MIGA2: variants seen among roughly 807,000 people sequenced by gnomAD.
MIGA2 encodes the protein family with sequence similarity 73, member B.
In MIGA2, 36 loss-of-function variants were observed where a neutral mutation model predicts 69.9. The ratio of observed to expected loss-of-function variants is 0.52; its 90% CI spans 0.39 to 0.68. The LOEUF (loss-of-function observed/expected upper bound fraction) is 0.68. Ranked by LOEUF, MIGA2 falls within the 30% of genes least tolerant of loss-of-function variation. MIGA2 has a pLI of 0.00. For missense variants in MIGA2, 660 were observed against 787.7 expected (o/e 0.84, Z 1.94); for synonymous variants, 333 against 349.2 (o/e 0.95, Z 0.52).
chr9:129,067,374 G>A (rs1216936384), intron 11 of MIGA2: 3 of 195,096 alleles, frequency 1.5e-5, no homozygotes, highest in East Asian at 2.8e-4. Context: ...CGTCACACAC[G>A]AGCTCGGCAA....
At chr9:129,067,711 A>C (rs1314372907) in intron 11 of MIGA2, 62 bp from the exon 12 acceptor site, 2 of 1,498,374 alleles carry the variant, frequency 1.3e-6, no homozygotes, top group Non-Finnish European at 1.8e-6. Context: ...CCCCATCCAC[A>C]GGCCAGCCTG....
At chr9:129,043,781 A>G (rs1452298866) in intron 3 of MIGA2, among the ~76,000 whole-genome samples, 2 of 149,190 alleles carry the variant, frequency 1.3e-5, no homozygotes, top group East Asian at 3.9e-4. Context: ...GCTCACTGCA[A>G]CCTCTGCATC....
At chr9:129,053,960 C>T (rs1414715645) in intron 6 of MIGA2, among the ~76,000 whole-genome samples, 1 of 151,932 alleles carries the variant, frequency 6.6e-6, no homozygotes, top group Non-Finnish European at 1.5e-5. Flanking sequence ...GGAGGATCAC[C>T]TGAGCCCAGG....
At chr9:129,043,799 C>G (rs971123308) in intron 3 of MIGA2, among the ~76,000 whole-genome samples, 3 of 151,932 alleles carry the variant, frequency 2.0e-5, no homozygotes, top group Middle Eastern at 3.2e-3. Context: ...ATCCCGGGTT[C>G]AAGCGATTCT....
intron 6 of MIGA2, among the ~76,000 whole-genome samples, chr9:129,056,908 C>A (rs2131372282): frequency 6.6e-6 from 1 of 152,058 alleles, no homozygotes; most frequent in East Asian, 2.0e-4. Flanking sequence ...GCGGTACGTG[C>A]CTATGGTCCC....
rs1191820734 is a variant in MIGA2, at chr9:129,060,410, G to C, written c.794-140G>C. ...TCACACAGAAGCGCTTGGCACGTCA[G>C]AGCTTTGCCATTGAGTGTGGGAATC... is the stretch of plus-strand genomic sequence containing the variant. On this transcript the variant is annotated intron_variant, in intron 7 of 15. Coordinates refer to ENST00000684074, the MANE Select transcript of MIGA2 (RefSeq NM_001329990.2). The surrounding 1 kb of genome is among the most constrained non-coding windows in gnomAD (Gnocchi z 4.8). 2.5e-5 allele frequency: 17 copies of C among 686,384 alleles called. No homozygotes were observed. Among genetic ancestry groups the C allele is most frequent in the Non-Finnish European group, 3.9e-5 (16 of 407,544 alleles). 42.5% of individuals were successfully genotyped at this position (686,384 alleles called of 1,614,324 possible).
In MIGA2 at chr9:129,069,657, C is replaced by T. The variant is rs757120993; in HGVS notation, c.1459-192C>T. ...GCCCCACCTCTTGCAGTACTCACAG[C>T]GGCCCATGGTTACCCTGTCTGCAGA... On this transcript the variant is annotated intron_variant, in intron 14 of 15. Coordinates refer to ENST00000684074, the MANE Select transcript of MIGA2 (RefSeq NM_001329990.2). The surrounding 1 kb of genome is among the most constrained non-coding windows in gnomAD (Gnocchi z 4.9). 7 of 613,178 alleles carry T rather than the reference C, an allele frequency of 1.1e-5. No homozygotes were observed. The highest frequency in any genetic ancestry group is 5.5e-5 in the African/African-American group (3 of 54,618). The allele number at this position is 613,178 out of a possible 1,614,324, so 38.0% of individuals were successfully genotyped here. A position where few individuals can be genotyped will look rare whatever the true frequency, so the allele number is the denominator to read the frequency against.
chr9:129,048,669 C>A (rs140153356), intron 4 of MIGA2, 130 bp downstream of exon 4: 65 of 710,168 alleles, frequency 9.2e-5, no homozygotes, highest in African/African-American at 8.3e-4. Flanking sequence ...TCCACCCACG[C>A]GGGCTTTCAG....
In MIGA2 at chr9:129,063,267, G is replaced by A. The variant is rs774201953; in HGVS notation, c.1034G>A (p.Ser345Asn). ...TLRTELLGCY[S>N]DQDFLAKLHC... ...AGGACGGAGCTGCTGGGCTGCTACA[G>A]TGACCAGGACTTTCTGGCCAAGCTG... is the stretch of plus-strand genomic sequence containing the variant. The change falls in exon 10 of 16, where the codon AGT (serine) becomes AAT (asparagine). Residue 345 changes from serine (S) to asparagine (N), a missense_variant. Ser to Asn is a conservative substitution (Grantham distance 46, BLOSUM62 1). Around this residue, in one of 3 missense-constraint regions of MIGA2, gnomAD observed 386 missense variants for 402.0 expected, o/e 0.96. Transcript: ENST00000684074. 3.7e-6 allele frequency: 6 copies of A among 1,614,128 alleles called. No homozygotes were observed. The highest frequency in any genetic ancestry group is 2.2e-5 in the South Asian group (2 of 91,088).
rs1318558905 is a variant in MIGA2, at chr9:129,069,195, C to T, written c.1458+66C>T. 1.1e-5 allele frequency: 18 copies of T among 1,603,008 alleles called. No individual in the cohort carries two copies. The highest frequency in any genetic ancestry group is 2.2e-5 in the East Asian group (1 of 44,836). ...TGAGGCAGCGTGGTGGGGAGCGGAG[C>T]GGGTGCAGGGTGGCTCGCTGGGCCA... On this transcript the variant is annotated intron_variant, in intron 14 of 15. Coordinates refer to ENST00000684074, the MANE Select transcript of MIGA2 (RefSeq NM_001329990.2). This position sits in a 1 kb window ranked among gnomAD's most constrained non-coding sequence, Gnocchi z 4.9.
intron 1 of MIGA2, chr9:129,039,791 G>A: frequency 6.2e-6 from 1 of 160,898 alleles, no homozygotes; most frequent in South Asian, 1.8e-4. Context: ...TGCCCAGGCT[G>A]GAGCGCAGTG....
chr9:129,041,849 C>A (rs1844923717), intron 2 of MIGA2, among the ~76,000 whole-genome samples: 1 of 152,188 alleles, frequency 6.6e-6, no homozygotes, highest in South Asian at 2.1e-4. Context: ...GTGTCATCAT[C>A]TTTGAGGCAT....
rs1218598539 is a variant in MIGA2, at chr9:129,069,711, C to T, written c.1459-138C>T. 1 of 722,402 alleles carries T rather than the reference C, an allele frequency of 1.4e-6. No homozygotes were observed. The highest frequency in any genetic ancestry group is 2.5e-6 in the Non-Finnish European group (1 of 398,390). The allele number at this position is 722,402 out of a possible 1,614,324, so 44.7% of individuals were successfully genotyped here. Reference sequence around the variant, plus strand: ...TAAAATGGGCTTCGAAAGCTTGAGTCACTGCCCAGGGTCATCTAGCAGGAA... The same window carrying T: ...TAAAATGGGCTTCGAAAGCTTGAGTTACTGCCCAGGGTCATCTAGCAGGAA... On this transcript the variant is annotated intron_variant, in intron 14 of 15. Transcript: ENST00000684074. The surrounding 1 kb of genome is among the most constrained non-coding windows in gnomAD (Gnocchi z 4.9).
At chr9:129,042,208 G>A (rs1162935211) in intron 2 of MIGA2, 96 bp from the exon 3 acceptor site, 10 of 1,218,638 alleles carry the variant, frequency 8.2e-6, no homozygotes, top group South Asian at 4.0e-5. Flanking sequence ...CCGGAGAGCC[G>A]GTGTGTGTCC....
Position 129,036,650 on chromosome 9 carries a change from G to C in MIGA2, c.-175G>C, listed in dbSNP as rs1844604099. 6.0e-6 allele frequency: 1 copy of C among 165,358 alleles called. No homozygotes were observed. Among genetic ancestry groups the C allele is most frequent in the Non-Finnish European group, 1.5e-5 (1 of 68,190 alleles). The allele number at this position is 165,358 out of a possible 1,614,324, so 10.2% of individuals were successfully genotyped here. A position where few individuals can be genotyped will look rare whatever the true frequency, so the allele number is the denominator to read the frequency against. On this transcript the variant is annotated 5_prime_UTR_variant, in exon 1 of 16. Transcript: ENST00000684074. ...TGGTTGCGCAGCCGCCGGGGAAGGA[G>C]ACGCTGCCCTTCCGCAGCGATGGCA...
chr9:129,051,821 T>C (rs1423188418), intron 6 of MIGA2, among the ~76,000 whole-genome samples: 4 of 150,512 alleles, frequency 2.7e-5, no homozygotes, highest in East Asian at 3.9e-4. Context: ...ATGTAATTAA[T>C]TAATTAATTA....
In MIGA2 at chr9:129,068,078, C is replaced by T. The variant is rs777839254; in HGVS notation, c.1270-120C>T. 6.7e-5 allele frequency: 96 copies of T among 1,432,742 alleles called. No homozygotes were observed. Among genetic ancestry groups the T allele is most frequent in the South Asian group, 1.4e-4 (12 of 85,584 alleles). The allele number at this position is 1,432,742 out of a possible 1,614,324, so 88.8% of individuals were successfully genotyped here. On this transcript the variant is annotated intron_variant, in intron 12 of 15. Transcript: ENST00000684074. This position sits in a 1 kb window ranked among gnomAD's most constrained non-coding sequence, Gnocchi z 4.1. ...CCGTTGCACAGCAGAGCGGGAAAGACGTGTCCCCCCCACGTGTGCTCATGC... is the reference window on the plus strand; with the variant it reads ...CCGTTGCACAGCAGAGCGGGAAAGATGTGTCCCCCCCACGTGTGCTCATGC...
intron 6 of MIGA2, among the ~76,000 whole-genome samples, chr9:129,056,813 C>A (rs1011382194): frequency 6.6e-5 from 10 of 152,272 alleles, no homozygotes; most frequent in African/African-American, 2.4e-4. Context: ...CCACTGCACC[C>A]AGCTGAGCTC....
At chr9:129,067,702 C>G in intron 11 of MIGA2, 71 bp from the exon 12 acceptor site, 1 of 1,433,292 alleles carries the variant, frequency 7.0e-7, no homozygotes, top group East Asian at 2.4e-5. Flanking sequence ...TGGCATGTCC[C>G]CCATCCACAG....
Sources: allele counts gnomAD v4.1 joint callset (sites outside exome capture counted in the v4.1 genomes callset), GRCh38; gene constraint gnomAD v4.1.1; regional missense constraint gnomAD v4.1.1; non-coding constraint Gnocchi (gnomAD v3.1); transcripts MANE v1.5; gene names NCBI Gene and HGNC (gene_info 2026-07-23, HGNC 2026-07-21).